PTBP3: variants seen among roughly 807,000 people sequenced by gnomAD.
PTBP3 encodes polypyrimidine tract-binding protein 3.
A neutral mutation model predicts 58.7 loss-of-function variants in PTBP3; 20 were observed. The ratio of observed to expected loss-of-function variants is 0.34; its 90% CI spans 0.24 to 0.50. PTBP3 has a LOEUF of 0.50. Ranked by LOEUF, PTBP3 falls within the 20% of genes least tolerant of loss-of-function variation. PTBP3 has a pLI of 0.98. For missense variants in PTBP3, 509 were observed against 637.2 expected, an observed-to-expected ratio of 0.80 and a Z score of 2.17; for synonymous variants, 185 against 219.8, an observed-to-expected ratio of 0.84 and a Z score of 1.40.
chr9:112,228,441 A>G lies in PTBP3; in HGVS notation c.1086T>C (p.Ile362=). 2 of 1,608,376 alleles carry G rather than the reference A, an allele frequency of 1.2e-6. No individual in the cohort carries two copies. The highest frequency in any genetic ancestry group is 2.2e-5 in the East Asian group (1 of 44,604). The change falls in exon 11 of 14, where the codon ATT becomes ATC. Residue 362 remains isoleucine, a synonymous_variant. Transcript: ENST00000374257. ...GVYGDVHRVK[I]MFNKKENALV... ...AGGCATTTTCTTTCTTATTAAACAT[A>G]ATCTTCACTCGATGTACATCACCAT...
chr9:112,268,283 C>A, intron 3 of PTBP3, 88 bp from the exon 4 acceptor site: 1 of 1,332,452 alleles, frequency 7.5e-7, no homozygotes, highest in East Asian at 2.5e-5. Flanking sequence ...TGCTCTAAAC[C>A]CATGCACTCT....
At chr9:112,252,811 T>C (rs760988644) in intron 5 of PTBP3, 23 bp from the exon 6 acceptor site, 1 of 1,344,078 alleles carries the variant, frequency 7.4e-7, no homozygotes, top group Non-Finnish European at 1.1e-6. Context: ...TCACATTAGG[T>C]TAAATGTAAA....
At chr9:112,284,860 G>GT (rs1564433375) in intron 2 of PTBP3, among the ~76,000 whole-genome samples, 1 of 151,996 alleles carries the variant, frequency 6.6e-6, no homozygotes, top group Non-Finnish European at 1.5e-5. Context: ...TACCCCCGTT[G>GT]TATCTTCGAA....
At chr9:112,271,451 T>TG (rs1205958542) in intron 3 of PTBP3, among the ~76,000 whole-genome samples, 8 of 152,204 alleles carry the variant, frequency 5.3e-5, no homozygotes, top group African/African-American at 1.9e-4. Context: ...ACAGGCGTAG[T>TG]GGCTCACGCC....
At chr9:112,273,380 T>C (rs748947190) in intron 3 of PTBP3, among the ~76,000 whole-genome samples, 1 of 152,226 alleles carries the variant, frequency 6.6e-6, no homozygotes, top group Non-Finnish European at 1.5e-5. Flanking sequence ...AAAACAGCTA[T>C]GGCAACTAGC....
chr9:112,255,945 T>A (rs1836327489), intron 5 of PTBP3, among the ~76,000 whole-genome samples: 1 of 152,076 alleles, frequency 6.6e-6, no homozygotes, highest in Admixed American at 6.6e-5. Context: ...GTTGTATCTA[T>A]TTCTTGGTTT....
At chr9:112,320,291 A>AAAAAAAATATATATAT (rs1411646280) in intron 1 of PTBP3, among the ~76,000 whole-genome samples, 2 of 73,536 alleles carry the variant, frequency 2.7e-5, no homozygotes, top group African/African-American at 9.0e-5. Context: ...AAAAAAAAAA[A>AAAAAAAATATATATAT]ATATATATAT....
intron 2 of PTBP3, among the ~76,000 whole-genome samples, chr9:112,291,854 A>G (rs10981346): frequency 0.28 from 42,883 of 152,154 alleles, 7,007 homozygotes; most frequent in South Asian, 0.41. Context: ...ACAAAAGAAA[A>G]TATGAACAAA....
intron 7 of PTBP3, among the ~76,000 whole-genome samples, chr9:112,245,582 G>C (rs1271502805): frequency 6.6e-6 from 1 of 152,136 alleles, no homozygotes; most frequent in Non-Finnish European, 1.5e-5. Context: ...ATTTAGTCAT[G>C]CCCTATTGTC....
chr9:112,367,697 C>T, the PTBP3 span, among the ~76,000 whole-genome samples: 1 of 152,076 alleles, frequency 6.6e-6, no homozygotes, highest in East Asian at 1.9e-4. Flanking sequence ...TAATGAGTTC[C>T]TTTTCTCTTG....
intron 1 of PTBP3, among the ~76,000 whole-genome samples, chr9:112,309,297 G>C (rs1829371511): frequency 6.6e-6 from 1 of 151,582 alleles, no homozygotes; most frequent in Non-Finnish European, 1.5e-5. Flanking sequence ...ACACTTCCCA[G>C]GACAGAAAAC....
chr9:112,332,613 T>C (rs963643128), intron 1 of PTBP3, among the ~76,000 whole-genome samples: 1 of 152,160 alleles, frequency 6.6e-6, no homozygotes, highest in African/African-American at 2.4e-5. Context: ...CTAACATAGT[T>C]GTTACTTTAA....
chr9:112,250,784 G>T, intron 7 of PTBP3, 145 bp downstream of exon 7: 1 of 658,158 alleles, frequency 1.5e-6, no homozygotes, highest in Non-Finnish European at 2.3e-6. Flanking sequence ...TAATTAATGG[G>T]TATACTTTGT....
Position 112,276,031 on chromosome 9 carries a change from C to A in PTBP3, c.35-18G>T, listed in dbSNP as rs749523235. On this transcript the variant is annotated intron_variant, in intron 2 of 13. Coordinates refer to ENST00000374257, the MANE Select transcript of PTBP3 (RefSeq NM_001163788.4). ...CCCATTAGCTAAAAAACATAAGATT[C>A]TTTTTTAAATTACTGCAACTAATTT... 1 of 1,597,866 alleles carries A rather than the reference C, an allele frequency of 6.3e-7. No individual in the cohort carries two copies. Among genetic ancestry groups the A allele is most frequent in the Admixed American group, 1.7e-5 (1 of 59,274 alleles).
chr9:112,275,703 C>G (rs917964701), intron 3 of PTBP3, 141 bp downstream of exon 3: 1 of 705,684 alleles, frequency 1.4e-6, no homozygotes, highest in African/African-American at 1.8e-5. Flanking sequence ...TACACCCCCC[C>G]AAAAAAATCT....
chr9:112,278,773 A>T (rs1827732686), intron 2 of PTBP3, among the ~76,000 whole-genome samples: 1 of 152,252 alleles, frequency 6.6e-6, no homozygotes, highest in Non-Finnish European at 1.5e-5. Context: ...TAAGCCTCAG[A>T]TTCTACTCCT....
chr9:112,366,377 A>G, the PTBP3 span, among the ~76,000 whole-genome samples: 559 of 152,244 alleles, frequency 3.7e-3, 4 homozygotes, highest in African/African-American at 0.013. Flanking sequence ...TCTTCATGGC[A>G]GCCCCTCCCA....
intron 1 of PTBP3, among the ~76,000 whole-genome samples, chr9:112,308,538 TATG>T (rs1463100750): frequency 1.3e-5 from 2 of 152,044 alleles, no homozygotes. Flanking sequence ...GTTTGACTGC[TATG>T]ATAACAGATT....
rs760356684 is a variant in PTBP3, at chr9:112,262,583, A to T, written c.368T>A (p.Leu123Gln). The T allele has an allele frequency of 6.2e-7, 1 of 1,602,414 alleles. No individual in the cohort carries two copies. The highest frequency in any genetic ancestry group is 8.5e-7 in the Non-Finnish European group (1 of 1,175,706). ...LPNQARAQAA[L>Q]QAVSAVQSGS... ...TGATTGGACGGCACTGACAGCCTGCAGTGCAGCTTGGGCTCGCTATAGAAC... is the reference window on the plus strand; with the variant it reads ...TGATTGGACGGCACTGACAGCCTGCTGTGCAGCTTGGGCTCGCTATAGAAC... Residue 123 changes from leucine to glutamine, a missense_variant, in exon 5 of 14, where the codon CTG becomes CAG. Coordinates refer to ENST00000374257, the MANE Select transcript of PTBP3 (RefSeq NM_001163788.4).
Sources: gnomAD v4.1 joint callset for allele counts (sites outside exome capture counted in the v4.1 genomes callset) on GRCh38, gnomAD v4.1.1 for gene constraint, MANE v1.5 for transcripts, NCBI Gene and HGNC (gene_info 2026-07-23, HGNC 2026-07-21) for gene names.